The following FIP1L1 variants were observed in gnomAD, a reference collection of about 807,000 sequenced individuals.
FIP1L1 encodes pre-mRNA 3'-end-processing factor FIP1.
A neutral mutation model predicts 84.6 loss-of-function variants in FIP1L1; 21 were observed. That is an observed-to-expected ratio of 0.25 (90% CI 0.18 to 0.36). The LOEUF is 0.36. Among genes scored for constraint, FIP1L1 ranks in the 10% least tolerant of loss-of-function variants. FIP1L1 has a pLI of 1.00. For synonymous variants in FIP1L1, 263 were observed against 242.3 expected, an observed-to-expected ratio of 1.09 and a Z score of -0.80; for missense variants, 526 against 751.1, an observed-to-expected ratio of 0.70 and a Z score of 3.50.
chr4:53,451,885 CTTT>C (rs139817657), intron 15 of FIP1L1, among the ~76,000 whole-genome samples: 6 of 140,914 alleles, frequency 4.3e-5, no homozygotes, highest in Admixed American at 7.0e-5. Context: ...ATAGACATTC[CTTT>C]TTTTTTTTTT....
rs371676507 is a variant in FIP1L1, at chr4:53,379,260, G to C, written c.166G>C (p.Ala56Pro). 2 of 1,591,770 alleles carry C rather than the reference G, an allele frequency of 1.3e-6. No individual in the cohort carries two copies. Among genetic ancestry groups the C allele is most frequent in the African/African-American group, 1.4e-5 (1 of 73,264 alleles). The change falls in exon 3 of 18, where the codon GCC becomes CCC. Residue 56 changes from alanine (A) to proline (P), a missense_variant. Ala to Pro is a conservative substitution (Grantham distance 27, BLOSUM62 -1). Transcript: ENST00000337488. ...NEVERPEEENASANPPSGIED... is the reference protein window; with the variant it reads ...NEVERPEEENPSANPPSGIED... ...AGTTGAAAGGCCAGAAGAAGAAAAT[G>C]CCAGGTTAGTGAAATTTTCTGTTGA... is the stretch of plus-strand genomic sequence containing the variant.
chr4:53,446,411 C>T (rs926514127), intron 15 of FIP1L1, among the ~76,000 whole-genome samples: 3 of 152,110 alleles, frequency 2.0e-5, no homozygotes, highest in African/African-American at 7.2e-5. Flanking sequence ...TTATAATTAT[C>T]ACCCTAATCT....
intron 9 of FIP1L1, among the ~76,000 whole-genome samples, chr4:53,397,859 G>T (rs1221642222): frequency 6.6e-6 from 1 of 152,142 alleles, no homozygotes; most frequent in Non-Finnish European, 1.5e-5. Context: ...ACTTGTAGAG[G>T]ATCAGATTAG....
At chr4:53,452,440 T>A (rs2150386562) in intron 15 of FIP1L1, among the ~76,000 whole-genome samples, 1 of 152,212 alleles carries the variant, frequency 6.6e-6, no homozygotes, top group South Asian at 2.1e-4. Flanking sequence ...TGCCTTAGCC[T>A]CCCAAATAGC....
At chr4:53,458,583 C>A in intron 16 of FIP1L1, 70 bp from the exon 17 acceptor site, 1 of 1,523,346 alleles carries the variant, frequency 6.6e-7, no homozygotes, top group Non-Finnish European at 8.9e-7. Context: ...GATCACATCT[C>A]TTTTACAGTT....
At chr4:53,422,518 T>A (rs1172094419) in intron 11 of FIP1L1, among the ~76,000 whole-genome samples, 1 of 151,974 alleles carries the variant, frequency 6.6e-6, no homozygotes, top group Non-Finnish European at 1.5e-5. Context: ...GAAGACTAAA[T>A]ATATATAAAG....
chr4:53,417,150 A>G (rs1237312989), intron 11 of FIP1L1, among the ~76,000 whole-genome samples: 2 of 152,102 alleles, frequency 1.3e-5, no homozygotes. Context: ...TTATAGCGAA[A>G]ATGTTGTTTC....
chr4:53,382,428 C>A, intron 4 of FIP1L1, 93 bp downstream of exon 4: 1 of 967,244 alleles, frequency 1.0e-6, no homozygotes, highest in South Asian at 1.4e-5. Context: ...TTTACATTAC[C>A]TTCAGTATCA....
chr4:53,439,570 G>A (rs1259159580), intron 13 of FIP1L1, among the ~76,000 whole-genome samples: 1 of 151,902 alleles, frequency 6.6e-6, no homozygotes, highest in Non-Finnish European at 1.5e-5. Flanking sequence ...CATACATTTA[G>A]CTAATAAATT....
At chr4:53,406,136 G>A (rs1439157257) in intron 10 of FIP1L1, among the ~76,000 whole-genome samples, 1 of 152,126 alleles carries the variant, frequency 6.6e-6, no homozygotes, top group Non-Finnish European at 1.5e-5. Context: ...TTTGATATTG[G>A]CTGTGGGTTT....
At chr4:53,444,545 A>G (rs1194393054) in intron 15 of FIP1L1, among the ~76,000 whole-genome samples, 2 of 151,468 alleles carry the variant, frequency 1.3e-5, no homozygotes, top group Admixed American at 1.3e-4. Flanking sequence ...TTCTGACCCC[A>G]TTTTCTTTTG....
chr4:53,380,751 G>A (rs1346807203), intron 3 of FIP1L1, among the ~76,000 whole-genome samples: 4 of 152,046 alleles, frequency 2.6e-5, no homozygotes, highest in African/African-American at 9.7e-5. Flanking sequence ...TCCTAATTCT[G>A]ATCTCAACCA....
chr4:53,434,471 AT>A (rs35389500), intron 13 of FIP1L1, among the ~76,000 whole-genome samples: 25,552 of 142,316 alleles, frequency 0.18, 2,368 homozygotes, highest in Admixed American at 0.27. Flanking sequence ...ATCTTAGTAA[AT>A]TTTTTTTTTT....
chr4:53,404,112 A>G (rs1269073076), intron 10 of FIP1L1, among the ~76,000 whole-genome samples: 2 of 149,108 alleles, frequency 1.3e-5, no homozygotes, highest in Non-Finnish European at 3.0e-5. Flanking sequence ...TGCACCCACT[A>G]ACTCGTCATT....
intron 10 of FIP1L1, among the ~76,000 whole-genome samples, chr4:53,409,419 C>T (rs1209525877): frequency 6.6e-6 from 1 of 152,188 alleles, no homozygotes; most frequent in African/African-American, 2.4e-5. Flanking sequence ...GGGGGTGTCT[C>T]CCACTTAGAC....
At chr4:53,416,569 C>T (rs1232895897) in intron 11 of FIP1L1, among the ~76,000 whole-genome samples, 1 of 152,182 alleles carries the variant, frequency 6.6e-6, no homozygotes, top group African/African-American at 2.4e-5. Context: ...TGCCCAAATT[C>T]ACAGCTAGTT....
At chr4:53,402,320 A>C (rs571000160) in intron 10 of FIP1L1, among the ~76,000 whole-genome samples, 108 of 151,894 alleles carry the variant, frequency 7.1e-4, no homozygotes, top group Non-Finnish European at 1.3e-3. Flanking sequence ...TTGGAAGACT[A>C]TTTTCTTTCT....
chr4:53,379,002 A>C, intron 1 of FIP1L1, 71 bp from the exon 2 acceptor site: 1 of 1,458,880 alleles, frequency 6.9e-7, no homozygotes, highest in South Asian at 1.2e-5. Context: ...GTAAAGTCTG[A>C]TTTTTTTTTC....
At position 53,430,585 on chromosome 4, in the gene FIP1L1, C is replaced by T. The variant is rs140966626; in HGVS notation, c.1174+2402C>T. On this transcript the variant is annotated intron_variant, in intron 13 of 17. Transcript: ENST00000337488. The stretch of plus-strand genomic sequence containing the variant: ...CTCCTGACCTCAAGCAATCTGCCCT[C>T]CTCGGCCTCCCAAAGTACTGGCATT... Among the ~76,000 whole-genome samples the T allele has an allele frequency of 8.8e-3, 1,340 of 152,070 alleles. 22 individuals are homozygous for T. The highest frequency in any genetic ancestry group is 0.03 in the African/African-American group (1,264 of 41,480).
Sources: allele counts gnomAD v4.1 joint callset (sites outside exome capture counted in the v4.1 genomes callset), GRCh38; gene constraint gnomAD v4.1.1; transcripts MANE v1.5; gene names NCBI Gene and HGNC (gene_info 2026-07-23, HGNC 2026-07-21).